SHC3: variants seen among roughly 807,000 people sequenced by gnomAD.
The protein encoded by SHC3 is SHC-transforming protein 3.
Under a neutral mutation model 60.4 loss-of-function variants are expected in SHC3, and 15 were observed. The observed-to-expected ratio is 0.25, with a 90% confidence interval of 0.17 to 0.38. SHC3 has a LOEUF of 0.38. Ranked by LOEUF, SHC3 falls within the 10% of genes least tolerant of loss-of-function variation. The pLI, the probability that SHC3 is intolerant of heterozygous loss-of-function variation, is 1.00. For missense variants in SHC3, 677 were observed against 786.1 expected, an observed-to-expected ratio of 0.86 and a Z score of 1.66; for synonymous variants, 294 against 325.9, an observed-to-expected ratio of 0.90 and a Z score of 1.05.
chr9:89,106,179 C>T (rs1172563023), intron 2 of SHC3, among the ~76,000 whole-genome samples: 2 of 152,102 alleles, frequency 1.3e-5, no homozygotes, highest in East Asian at 3.9e-4. Context: ...GGGCTGGTAC[C>T]CAGGAACCCT....
Position 89,098,728 on chromosome 9 carries a change from G to A in SHC3, c.545+13828C>T, listed in dbSNP as rs139531572. On this transcript the variant is annotated intron_variant, in intron 2 of 11. Transcript: ENST00000375835. ...TGGGAGGCTGAGGCAGGAGAACAGC[G>A]TGAACCTGGGAGGCGGAGCTTGCAA... 3.1e-3 allele frequency among the ~76,000 whole-genome samples: 464 copies of A among 152,052 alleles called. 1 individual carries two copies. Among genetic ancestry groups the A allele is most frequent in the Non-Finnish European group, 4.8e-3 (324 of 67,980 alleles).
At chr9:89,080,734 A>AATATATATATATATATATATATATAT (rs10591505) in intron 2 of SHC3, among the ~76,000 whole-genome samples, 1 of 132,106 alleles carries the variant, frequency 7.6e-6, no homozygotes, top group African/African-American at 2.9e-5. Context: ...AACTAGGAAG[A>AATATATATATATATATATATATATAT]ATATATATAT....
intron 9 of SHC3, among the ~76,000 whole-genome samples, chr9:89,042,842 C>T (rs1339774607): frequency 6.6e-6 from 1 of 152,096 alleles, no homozygotes; most frequent in Non-Finnish European, 1.5e-5. Context: ...GCTGTTCTGT[C>T]ACCGAGACCT....
At chr9:89,154,397 G>A (rs1826592125) in intron 1 of SHC3, among the ~76,000 whole-genome samples, 1 of 152,122 alleles carries the variant, frequency 6.6e-6, no homozygotes, top group East Asian at 1.9e-4. Flanking sequence ...ACTCTGAGCC[G>A]GAATGCATGT....
intron 6 of SHC3, among the ~76,000 whole-genome samples, chr9:89,063,762 C>T (rs1470225559): frequency 6.6e-6 from 1 of 152,238 alleles, no homozygotes; most frequent in East Asian, 1.9e-4. Flanking sequence ...GAATTCCTGA[C>T]CCACATTCTA....
intron 2 of SHC3, among the ~76,000 whole-genome samples, chr9:89,083,083 G>C (rs1190262086): frequency 6.6e-6 from 1 of 152,106 alleles, no homozygotes; most frequent in Non-Finnish European, 1.5e-5. Flanking sequence ...AGCAGTCCTG[G>C]GTCTCTCCCT....
chr9:89,134,631 C>CCTAAGACT (rs762723629), intron 1 of SHC3, among the ~76,000 whole-genome samples: 10 of 152,162 alleles, frequency 6.6e-5, no homozygotes, highest in Middle Eastern at 6.8e-3. Flanking sequence ...TAGTGGCTGT[C>CCTAAGACT]CTAAGACTCT....
intron 2 of SHC3, among the ~76,000 whole-genome samples, chr9:89,106,090 A>C (rs914935650): frequency 4.6e-5 from 7 of 152,116 alleles, no homozygotes; most frequent in Admixed American, 2.0e-4. Context: ...GGTGTCATGC[A>C]TGTTCTCTGG....
chr9:89,030,832 TTGTC>T, intron 11 of SHC3, among the ~76,000 whole-genome samples: 1 of 152,330 alleles, frequency 6.6e-6, no homozygotes, highest in East Asian at 1.9e-4. Flanking sequence ...AACAAGATAT[TTGTC>T]TGTGGAATAC....
chr9:89,109,067 T>A, intron 2 of SHC3: 2 of 985,534 alleles, frequency 2.0e-6, no homozygotes, highest in Non-Finnish European at 2.4e-6. Flanking sequence ...TTCCTCAATG[T>A]CCATCTTCCA....
chr9:89,058,343 G>A (rs2117948992), intron 6 of SHC3, among the ~76,000 whole-genome samples: 1 of 150,818 alleles, frequency 6.6e-6, no homozygotes, highest in South Asian at 2.1e-4. Flanking sequence ...GACGGTGGTA[G>A]AGGATGGTGG....
At chr9:89,014,631 G>A (rs928712831) in intron 11 of SHC3, among the ~76,000 whole-genome samples, 19 of 151,956 alleles carry the variant, frequency 1.3e-4, no homozygotes, top group African/African-American at 4.4e-4. Context: ...AGCTCTCCTC[G>A]CCCTCCTGCA....
At chr9:89,068,891 A>G (rs1382769513) in intron 5 of SHC3, among the ~76,000 whole-genome samples, 2 of 152,238 alleles carry the variant, frequency 1.3e-5, no homozygotes, top group Non-Finnish European at 1.5e-5. Context: ...TTATATGTCA[A>G]ACTGGGTTAT....
chr9:89,065,720 G>T, intron 5 of SHC3, 140 bp from the exon 6 acceptor site: 1 of 812,840 alleles, frequency 1.2e-6, no homozygotes, highest in Non-Finnish European at 2.0e-6. Context: ...CTAAGAAACA[G>T]CCCCCAGAAG....
chr9:89,135,780 A>C (rs1826310441), intron 1 of SHC3, among the ~76,000 whole-genome samples: 1 of 152,170 alleles, frequency 6.6e-6, no homozygotes, highest in South Asian at 2.1e-4. Flanking sequence ...AGTAATGTAG[A>C]AACAATCTGG....
chr9:89,043,641 G>A (rs974581412), intron 9 of SHC3, among the ~76,000 whole-genome samples: 1 of 151,564 alleles, frequency 6.6e-6, no homozygotes, highest in African/African-American at 2.4e-5. Context: ...TGTGAGAAAA[G>A]ATATTTATTT....
chr9:89,118,753 A>G (rs75581450), intron 1 of SHC3, among the ~76,000 whole-genome samples: 8,933 of 152,238 alleles, frequency 0.059, 350 homozygotes, highest in Admixed American at 0.11. Context: ...ATATTGAGCC[A>G]AGAATCTTAT....
chr9:89,051,280 A>G (rs1824857692), intron 7 of SHC3, among the ~76,000 whole-genome samples: 1 of 152,228 alleles, frequency 6.6e-6, no homozygotes, highest in Non-Finnish European at 1.5e-5. Flanking sequence ...AAGTTCAATC[A>G]AGGACAGAAT....
Position 89,035,851 on chromosome 9 carries a change from A to ATGTG in SHC3, c.1656+2138_1656+2141dup, listed in dbSNP as rs34601277. Among the ~76,000 whole-genome samples the ATGTG allele has an allele frequency of 2.7e-3, 351 of 128,546 alleles. 7 individuals are homozygous for ATGTG. Among genetic ancestry groups the ATGTG allele is most frequent in the Middle Eastern group, 7.9e-3 (2 of 252 alleles). 84.3% of individuals were successfully genotyped at this position (128,546 alleles called of 152,430 possible). On this transcript the variant is annotated intron_variant, in intron 11 of 11. Coordinates refer to ENST00000375835, the MANE Select transcript of SHC3 (RefSeq NM_016848.6). ...ACAAAATATATATATATATATATAG[A>ATGTG]TGTGTGTGTGTGTGTGTGTGTGTGT...
Sources: gnomAD v4.1 joint callset for allele counts (sites outside exome capture counted in the v4.1 genomes callset) on GRCh38, gnomAD v4.1.1 for gene constraint, MANE v1.5 for transcripts, NCBI Gene and HGNC (gene_info 2026-07-23, HGNC 2026-07-21) for gene names.